FOXN3: variants seen among roughly 807,000 people sequenced by gnomAD.
FOXN3 encodes forkhead box protein N3.
Under a neutral mutation model 38.4 loss-of-function variants are expected in FOXN3, and 7 were observed. The observed-to-expected ratio is 0.18, with a 90% confidence interval of 0.10 to 0.34. FOXN3 has a LOEUF of 0.34. Ranked by LOEUF, FOXN3 falls within the 10% of genes least tolerant of loss-of-function variation. The probability of loss-of-function intolerance (pLI) is 1.00; values close to 1 mark genes in which losing one functional copy is unlikely to be tolerated. For missense variants in FOXN3, 456 were observed against 613.4 expected, an observed-to-expected ratio of 0.74 and a Z score of 2.71; for synonymous variants, 230 against 242.2, an observed-to-expected ratio of 0.95 and a Z score of 0.47.
intron 4 of FOXN3, among the ~76,000 whole-genome samples, chr14:89,280,554 C>T (rs1354729920): frequency 6.6e-6 from 1 of 152,156 alleles, no homozygotes; most frequent in Non-Finnish European, 1.5e-5. Context: ...CCAGAATAAC[C>T]AAACCCTCCT....
rs10559428 is a variant in FOXN3, at chr14:89,204,052, T to TACACACAC, written c.746-23254_746-23247dup. 4.0e-4 allele frequency among the ~76,000 whole-genome samples: 54 copies of TACACACAC among 133,758 alleles called. 1 individual carries two copies. Among genetic ancestry groups the TACACACAC allele is most frequent in the South Asian group, 1.1e-3 (4 of 3,522 alleles). The allele number at this position is 133,758 out of a possible 152,430, so 87.8% of individuals were successfully genotyped here. A position where few individuals can be genotyped will look rare whatever the true frequency, so the allele number is the denominator to read the frequency against. On this transcript the variant is annotated intron_variant, in intron 4 of 5. Coordinates refer to ENST00000557258, the MANE Select transcript of FOXN3 (RefSeq NM_005197.4). ...ACCGGTATAACCAGGCATACTCCCT[T>TACACACAC]ACACACACACACACACACACACACA...
At chr14:89,281,953 G>C (rs4284566) in intron 3 of FOXN3, among the ~76,000 whole-genome samples, 5 of 151,904 alleles carry the variant, frequency 3.3e-5, no homozygotes, top group Non-Finnish European at 7.4e-5. Context: ...TAATGCATTT[G>C]TAAGTTTGGC....
intron 4 of FOXN3, among the ~76,000 whole-genome samples, chr14:89,267,445 G>A (rs1046905629): frequency 5.3e-5 from 8 of 152,172 alleles, no homozygotes; most frequent in African/African-American, 1.4e-4. Context: ...AGCAGGGGCT[G>A]GGGCGGTGCT....
intron 1 of FOXN3, among the ~76,000 whole-genome samples, chr14:89,472,720 CAAAAAAAAAAAA>C (rs1157948946): frequency 2.1e-5 from 1 of 46,588 alleles, no homozygotes; most frequent in Non-Finnish European, 4.4e-5. Context: ...GACCCCATCT[CAAAAAAAAAAAA>C]AAAAAAAAAG....
At chr14:89,271,360 G>A (rs950708762) in intron 4 of FOXN3, among the ~76,000 whole-genome samples, 6 of 152,200 alleles carry the variant, frequency 3.9e-5, no homozygotes, top group Admixed American at 2.6e-4. Context: ...TTAAGACTGA[G>A]CACTGTGATA....
At chr14:89,231,299 T>G (rs1178355325) in intron 4 of FOXN3, among the ~76,000 whole-genome samples, 2 of 152,160 alleles carry the variant, frequency 1.3e-5, no homozygotes, top group Non-Finnish European at 2.9e-5. Context: ...ATATCCCATA[T>G]AATGTTAGAA....
chr14:89,418,739 G>T (rs1344740009), upstream of FOXN3, among the ~76,000 whole-genome samples: 1 of 149,204 alleles, frequency 6.7e-6, no homozygotes, highest in Non-Finnish European at 1.5e-5. Flanking sequence ...ACAAAGCCAG[G>T]ATGAGACAAT....
chr14:89,401,706 G>A, intron 2 of FOXN3: 1 of 455,216 alleles, frequency 2.2e-6, no homozygotes, highest in Non-Finnish European at 4.4e-6. Flanking sequence ...GTTCTGCTAG[G>A]TGGGTGTTTT....
intron 1 of FOXN3, among the ~76,000 whole-genome samples, chr14:89,476,641 G>A (rs1893215553): frequency 6.6e-6 from 1 of 152,198 alleles, no homozygotes; most frequent in African/African-American, 2.4e-5. Context: ...ACAGCACAGT[G>A]TCGTATTTTC....
intron 1 of FOXN3, among the ~76,000 whole-genome samples, chr14:89,584,667 T>C (rs964723518): frequency 6.6e-6 from 1 of 152,316 alleles, no homozygotes; most frequent in Admixed American, 6.5e-5. Flanking sequence ...CATCCATATA[T>C]CTCTTTGGTA....
intron 3 of FOXN3, among the ~76,000 whole-genome samples, chr14:89,345,880 C>A (rs754568954): frequency 6.6e-6 from 1 of 152,114 alleles, no homozygotes; most frequent in Non-Finnish European, 1.5e-5. Flanking sequence ...GGTGAAACCC[C>A]GTCTCTACTA....
chr14:89,188,727 GTA>G (rs1365980239), intron 4 of FOXN3, among the ~76,000 whole-genome samples: 1 of 152,266 alleles, frequency 6.6e-6, no homozygotes, highest in Admixed American at 6.5e-5. Context: ...GATGAAATCA[GTA>G]TGTTTCCACT....
chr14:89,603,844 C>G (rs1896210042), intron 1 of FOXN3, among the ~76,000 whole-genome samples: 1 of 152,072 alleles, frequency 6.6e-6, no homozygotes, highest in African/African-American at 2.4e-5. Flanking sequence ...CAGGGGAAAG[C>G]AGATAAACTT....
At chr14:89,386,776 ACTCTCTTCGTGAGAAGACGG>A (rs1890799945) in intron 2 of FOXN3, among the ~76,000 whole-genome samples, 1 of 151,744 alleles carries the variant, frequency 6.6e-6, no homozygotes, top group Non-Finnish European at 1.5e-5. Context: ...CCTGGTAAGG[ACTCTCTTCGTGAGAAGACGG>A]CTGCCTTCTC....
intron 4 of FOXN3, among the ~76,000 whole-genome samples, chr14:89,265,483 C>G (rs1165770795): frequency 6.6e-6 from 1 of 152,058 alleles, no homozygotes; most frequent in African/African-American, 2.4e-5. Flanking sequence ...ACATGACCAC[C>G]CAGACACACC....
At chr14:89,229,132 G>A (rs1884725993) in intron 4 of FOXN3, among the ~76,000 whole-genome samples, 1 of 152,182 alleles carries the variant, frequency 6.6e-6, no homozygotes, top group Non-Finnish European at 1.5e-5. Context: ...AGGGAACAGA[G>A]GAGTTGAGGA....
At chr14:89,581,461 G>A (rs1199714309) in intron 1 of FOXN3, among the ~76,000 whole-genome samples, 3 of 148,694 alleles carry the variant, frequency 2.0e-5, no homozygotes, top group East Asian at 2.0e-4. Context: ...TAGCTTGGGC[G>A]ACAAGCAGAA....
chr14:89,497,623 G>A (rs558544041), intron 1 of FOXN3, among the ~76,000 whole-genome samples: 2 of 151,588 alleles, frequency 1.3e-5, no homozygotes, highest in Admixed American at 6.6e-5. Flanking sequence ...GGCTGGTCTC[G>A]AACTCCTGAC....
At chr14:89,342,470 A>C (rs1239312664) in intron 3 of FOXN3, among the ~76,000 whole-genome samples, 2 of 152,268 alleles carry the variant, frequency 1.3e-5, no homozygotes, top group South Asian at 4.1e-4. Flanking sequence ...AATATAATGG[A>C]AGTCAAAAGA....
Sources: allele counts gnomAD v4.1 joint callset (sites outside exome capture counted in the v4.1 genomes callset), GRCh38; gene constraint gnomAD v4.1.1; transcripts MANE v1.5; gene names NCBI Gene and HGNC (gene_info 2026-07-23, HGNC 2026-07-21).